The following FANCB variants were observed in gnomAD, a reference collection of about 807,000 sequenced individuals.
FANCB encodes the protein Fanconi anemia group B protein.
Under a neutral mutation model 38.9 loss-of-function variants are expected in FANCB, and 5 were observed. That is an observed-to-expected ratio of 0.13 (90% CI 0.07 to 0.27). The LOEUF is 0.27. Ranked by LOEUF, FANCB falls within the 10% of genes least tolerant of loss-of-function variation. FANCB has a pLI of 1.00. For missense variants in FANCB, 573 were observed against 602.7 expected (o/e 0.95, Z 0.52); for synonymous variants, 236 against 215.4 (o/e 1.10, Z -0.84).
At chrX:14,699,491 A>C in the FANCB span, among the ~76,000 whole-genome samples, 1 of 112,196 alleles carries the variant, frequency 8.9e-6, no homozygotes, top group East Asian at 2.8e-4. Context: ...TATGGGGTAC[A>C]ATGTGAGGTT....
intron 3 of FANCB, among the ~76,000 whole-genome samples, chrX:14,861,328 C>T (rs1410641518): frequency 8.9e-6 from 1 of 112,285 alleles, no homozygotes; most frequent in African/African-American, 3.2e-5. Context: ...CCTATTACCA[C>T]ATTAAACATC....
At chrX:14,762,991 A>T in the FANCB span, among the ~76,000 whole-genome samples, 80 of 111,957 alleles carry the variant, frequency 7.1e-4, no homozygotes, top group Non-Finnish European at 1.1e-3. Context: ...TCTAGTACTG[A>T]CCTACCTTTC....
chrX:14,778,968 T>C, the FANCB span, among the ~76,000 whole-genome samples: 1 of 112,205 alleles, frequency 8.9e-6, no homozygotes, highest in South Asian at 3.7e-4. Flanking sequence ...GCCACTTTGG[T>C]CCTATGCATG....
the FANCB span, among the ~76,000 whole-genome samples, chrX:14,765,257 A>T: frequency 9.0e-6 from 1 of 111,720 alleles, no homozygotes; most frequent in Non-Finnish European, 1.9e-5. Context: ...TTGCAACTTT[A>T]GGAGAGACCC....
chrX:14,739,568 C>T, the FANCB span, among the ~76,000 whole-genome samples: 5 of 111,779 alleles, frequency 4.5e-5, no homozygotes, highest in Non-Finnish European at 7.5e-5. Context: ...GTTGAAAATG[C>T]TTAAGAGAAA....
rs773221142 is a variant in FANCB, at chrX:14,845,064, C to A, written c.1719G>T (p.Glu573Asp). 3 of 1,209,567 alleles carry A rather than the reference C, an allele frequency of 2.5e-6. No homozygotes were observed. Among genetic ancestry groups the A allele is most frequent in the South Asian group, 1.8e-5 (1 of 56,958 alleles). ...TTACAGCAGTAATTATCTGTACACA[C>A]TCTTTCTTAGATGGGTGTTCACAAA... ...SFVCEHPSKK[E>D]CVQIITAVTS... Residue 573 changes from glutamate to aspartate, a missense_variant, in exon 8 of 10, where the codon GAG (glutamate) becomes GAT (aspartate). Glu to Asp is a conservative substitution (Grantham distance 45). Coordinates refer to ENST00000650831, the MANE Select transcript of FANCB (RefSeq NM_001018113.3).
the FANCB span, among the ~76,000 whole-genome samples, chrX:14,788,550 T>C: frequency 1.8e-5 from 2 of 111,769 alleles, no homozygotes; most frequent in Non-Finnish European, 3.8e-5. Flanking sequence ...TTGACATCTC[T>C]CTCTAGGGTT....
the FANCB span, among the ~76,000 whole-genome samples, chrX:14,826,972 C>T: frequency 8.1e-5 from 9 of 111,532 alleles, no homozygotes; most frequent in African/African-American, 2.9e-4. Context: ...CCTTTCTCCC[C>T]AGATGGCTAC....
At chrX:14,864,447 A>C in intron 3 of FANCB, 113 bp downstream of exon 3, 1 of 540,125 alleles carries the variant, frequency 1.9e-6, no homozygotes, top group South Asian at 2.5e-5. Flanking sequence ...TTTCATGTAC[A>C]GAACTGAAAA....
At chrX:14,757,501 C>T in the FANCB span, among the ~76,000 whole-genome samples, 1 of 111,753 alleles carries the variant, frequency 8.9e-6, no homozygotes, top group Admixed American at 9.5e-5. Flanking sequence ...CTGAAGACAG[C>T]CAAAAAACTG....
Position 14,844,604 on chromosome X carries a change from A to G in FANCB, c.2064T>C (p.Phe688=). ...EHMKCEIIKE[F]PEVYFCERPG... ...GTCTTTCACAAAAGTACACTTCTGG[A>G]AATTCTTTGATTATTTCACATTTCA... The change falls in exon 9 of 10, where the codon TTT becomes TTC. Residue 688 remains phenylalanine (F), a synonymous_variant. Transcript: ENST00000650831. 2 of 1,209,375 alleles carry G rather than the reference A, an allele frequency of 1.7e-6. No individual in the cohort carries two copies. Among genetic ancestry groups the G allele is most frequent in the South Asian group, 3.5e-5 (2 of 56,947 alleles).
rs1474242539 is a variant in FANCB, at chrX:14,858,753, G to A, written c.1104+429C>T. On this transcript the variant is annotated intron_variant, in intron 4 of 9. Coordinates refer to ENST00000650831, the MANE Select transcript of FANCB (RefSeq NM_001018113.3). The stretch of plus-strand genomic sequence containing the variant: ...AAAAACTGAGGCTTAGAGAGATTTT[G>A]TATTGATCTGAAACTTCAGGGGCAT... Among the ~76,000 whole-genome samples, 5 of 111,499 alleles carry A rather than the reference G, an allele frequency of 4.5e-5. No individual in the cohort carries two copies. In the Admixed American group the frequency reaches 4.8e-4, roughly 11 times the overall value.
At chrX:14,845,548 G>A (rs1167597714) in intron 7 of FANCB, among the ~76,000 whole-genome samples, 1 of 111,339 alleles carries the variant, frequency 9.0e-6, no homozygotes, top group African/African-American at 3.3e-5. Context: ...TTAAGATAGA[G>A]GAATGGTATT....
At chrX:14,840,152 C>T (rs1177436425), downstream of FANCB, among the ~76,000 whole-genome samples, 1 of 111,940 alleles carries the variant, frequency 8.9e-6, no homozygotes, top group Non-Finnish European at 1.9e-5. Flanking sequence ...CCACTGCTCC[C>T]GGCCAAGGAA....
chrX:14,863,923 C>T (rs747436828), intron 3 of FANCB, among the ~76,000 whole-genome samples: 4 of 111,801 alleles, frequency 3.6e-5, no homozygotes, highest in Non-Finnish European at 7.5e-5. Flanking sequence ...CCACTTGAAG[C>T]CAGGAGTTTG....
At chrX:14,836,755 C>A (rs1389214181) in intron 10 of FANCB, among the ~76,000 whole-genome samples, 2 of 111,873 alleles carry the variant, frequency 1.8e-5, no homozygotes, top group Non-Finnish European at 3.8e-5. Flanking sequence ...CTTACAACCG[C>A]CCCCAACATG....
At chrX:14,815,951 G>A in the FANCB span, among the ~76,000 whole-genome samples, 1 of 112,259 alleles carries the variant, frequency 8.9e-6, no homozygotes, top group Admixed American at 9.5e-5. Flanking sequence ...GTAAGTGGGA[G>A]CTAAATAATG....
chrX:14,842,525 C>G (rs2092358103), downstream of FANCB, among the ~76,000 whole-genome samples: 1 of 111,890 alleles, frequency 8.9e-6, no homozygotes, highest in Admixed American at 9.5e-5. Context: ...CTTTTTCTTT[C>G]TCCTGACGTT....
chrX:14,708,262 C>T, the FANCB span, among the ~76,000 whole-genome samples: 350 of 111,095 alleles, frequency 3.2e-3, 1 homozygote, highest in African/African-American at 0.01. Flanking sequence ...TGAGAACCTG[C>T]AGTATTTCAC....
Sources: gnomAD v4.1 joint callset for allele counts (sites outside exome capture counted in the v4.1 genomes callset) on GRCh38, gnomAD v4.1.1 for gene constraint, MANE v1.5 for transcripts, NCBI Gene and HGNC (gene_info 2026-07-23, HGNC 2026-07-21) for gene names.